Variants in MAP7 observed in about 807,000 individuals in gnomAD.
MAP7 encodes the protein ensconsin.
MAP7 carries 52 observed loss-of-function variants against 94.8 expected under a neutral mutation model. The observed-to-expected ratio is 0.55, with a 90% confidence interval of 0.44 to 0.69. The LOEUF (loss-of-function observed/expected upper bound fraction) is 0.69, where lower values mean the gene tolerates loss of function less well. MAP7 is among the 30% of genes least tolerant of loss of function. MAP7 has a pLI of 0.00. For synonymous variants in MAP7, 350 were observed against 357.0 expected (o/e 0.98, Z 0.22); for missense variants, 940 against 964.6 (o/e 0.97, Z 0.34).
intron 1 of MAP7, among the ~76,000 whole-genome samples, chr6:136,456,822 G>GGAGGAA (rs1554259491): frequency 1.0e-4 from 7 of 69,040 alleles, no homozygotes; most frequent in Non-Finnish European, 1.6e-4. Flanking sequence ...AGAAGAAGAA[G>GGAGGAA]GAAGAAGAAG....
At chr6:136,500,167 T>C (rs1473932551) in intron 1 of MAP7, among the ~76,000 whole-genome samples, 1 of 152,240 alleles carries the variant, frequency 6.6e-6, no homozygotes, top group Non-Finnish European at 1.5e-5. Context: ...GCCTTTATCA[T>C]CTGATTATTG....
At chr6:136,453,396 T>TA (rs1350146705) in intron 1 of MAP7, among the ~76,000 whole-genome samples, 3 of 152,244 alleles carry the variant, frequency 2.0e-5, no homozygotes, top group Non-Finnish European at 4.4e-5. Flanking sequence ...TTCAGAATTT[T>TA]CAAATGCACT....
intron 1 of MAP7, among the ~76,000 whole-genome samples, chr6:136,478,446 A>ACAAAC (rs1331280708): frequency 3.9e-5 from 6 of 152,154 alleles, no homozygotes; most frequent in Admixed American, 2.0e-4. Flanking sequence ...AAACAAACAA[A>ACAAAC]AAAACAAACC....
At chr6:136,537,548 G>A (rs934568864) in intron 1 of MAP7, among the ~76,000 whole-genome samples, 1 of 152,132 alleles carries the variant, frequency 6.6e-6, no homozygotes, top group African/African-American at 2.4e-5. Flanking sequence ...AGGATATTGG[G>A]ATGGGTTTAT....
Position 136,422,317 on chromosome 6 carries a change from G to A in MAP7, c.68-518C>T, listed in dbSNP as rs572592375. On this transcript the variant is annotated intron_variant, in intron 1 of 17. Transcript: ENST00000354570. Reference sequence around the variant, plus strand: ...CCATGGAAATCGAAAAGACTTCAACGTATGTTCAGTACAAGTCACTTTTCT... The same window carrying A: ...CCATGGAAATCGAAAAGACTTCAACATATGTTCAGTACAAGTCACTTTTCT... Among the ~76,000 whole-genome samples, 8 of 152,220 alleles carry A rather than the reference G, an allele frequency of 5.3e-5. No individual in the cohort carries two copies. The East Asian group carries it at 7.7e-4, about 15-fold the overall frequency.
chr6:136,522,352 A>C (rs981638691), intron 1 of MAP7, among the ~76,000 whole-genome samples: 3 of 152,074 alleles, frequency 2.0e-5, no homozygotes, highest in Non-Finnish European at 4.4e-5. Context: ...TCCTTCAAGA[A>C]TTATCTAGTC....
At chr6:136,482,129 C>T (rs552721590) in intron 1 of MAP7, among the ~76,000 whole-genome samples, 15 of 152,122 alleles carry the variant, frequency 9.9e-5, no homozygotes, top group African/African-American at 1.4e-4. Context: ...AAATAACAGA[C>T]GCTGGGTGAG....
chr6:136,501,429 C>T (rs1284222013), intron 1 of MAP7, among the ~76,000 whole-genome samples: 1 of 152,146 alleles, frequency 6.6e-6, no homozygotes, highest in Non-Finnish European at 1.5e-5. Flanking sequence ...TAGGTATTAC[C>T]TTGTGTAAAA....
At chr6:136,345,835 G>T in intron 17 of MAP7, 21 bp downstream of exon 17, 1 of 1,583,850 alleles carries the variant, frequency 6.3e-7, no homozygotes, top group Non-Finnish European at 8.7e-7. Context: ...GACTACAGAA[G>T]GGAGTTGGAG....
At chr6:136,509,758 T>C (rs1822690776) in intron 1 of MAP7, among the ~76,000 whole-genome samples, 1 of 152,192 alleles carries the variant, frequency 6.6e-6, no homozygotes. Flanking sequence ...AGTATCACGA[T>C]GTTGCCCACG....
intron 1 of MAP7, among the ~76,000 whole-genome samples, chr6:136,501,363 T>G (rs1160667515): frequency 1.3e-5 from 2 of 152,204 alleles, no homozygotes; most frequent in African/African-American, 4.8e-5. Context: ...GCCTGAAAGC[T>G]GCTCCACCAT....
At chr6:136,388,942 A>T (rs922019929) in intron 4 of MAP7, among the ~76,000 whole-genome samples, 9 of 152,074 alleles carry the variant, frequency 5.9e-5, no homozygotes, top group African/African-American at 2.2e-4. Context: ...TACCTTACCC[A>T]CTCTGAGTCT....
chr6:136,515,922 A>G (rs1179239890), intron 1 of MAP7, among the ~76,000 whole-genome samples: 9 of 152,214 alleles, frequency 5.9e-5, no homozygotes, highest in Admixed American at 5.2e-4. Flanking sequence ...CAATTTGTAA[A>G]AAAAATGCAG....
At chr6:136,404,975 G>A (rs2128721125) in intron 3 of MAP7, among the ~76,000 whole-genome samples, 1 of 152,274 alleles carries the variant, frequency 6.6e-6, no homozygotes, top group Admixed American at 6.5e-5. Context: ...AAAATTTAAG[G>A]ACTATCCTAA....
chr6:136,452,791 G>T (rs544975071), intron 1 of MAP7, among the ~76,000 whole-genome samples: 1 of 152,136 alleles, frequency 6.6e-6, no homozygotes, highest in Non-Finnish European at 1.5e-5. Flanking sequence ...GACCTCAAGT[G>T]ATCTGCCCTC....
chr6:136,383,225 T>C (rs761431414), intron 6 of MAP7, among the ~76,000 whole-genome samples: 1 of 152,158 alleles, frequency 6.6e-6, no homozygotes, highest in Non-Finnish European at 1.5e-5. Flanking sequence ...GAGAAGTAAA[T>C]TGGCAAAATA....
intron 1 of MAP7, among the ~76,000 whole-genome samples, chr6:136,511,705 AG>A (rs1243078137): frequency 1.3e-5 from 2 of 152,196 alleles, no homozygotes; most frequent in Admixed American, 1.3e-4. Flanking sequence ...GGACACTATT[AG>A]TCAAGAGCTC....
chr6:136,398,474 C>T (rs1351392968), intron 3 of MAP7, among the ~76,000 whole-genome samples: 1 of 152,188 alleles, frequency 6.6e-6, no homozygotes, highest in African/African-American at 2.4e-5. Flanking sequence ...TCTGTGTTCC[C>T]ACCCAAATCT....
chr6:136,457,167 T>C (rs1398331939), intron 1 of MAP7, among the ~76,000 whole-genome samples: 1 of 150,710 alleles, frequency 6.6e-6, no homozygotes, highest in South Asian at 2.1e-4. Context: ...TATGAACAAT[T>C]AAACAATTAT....
Sources: allele counts gnomAD v4.1 joint callset (sites outside exome capture counted in the v4.1 genomes callset), GRCh38; gene constraint gnomAD v4.1.1; transcripts MANE v1.5; gene names NCBI Gene and HGNC (gene_info 2026-07-23, HGNC 2026-07-21).